Variants in PRKN observed in about 807,000 individuals in gnomAD.
PRKN encodes parkin RBR E3 ubiquitin protein ligase, also known as E3 ubiquitin-protein ligase parkin.
In PRKN, 56 loss-of-function variants were observed where a neutral mutation model predicts 59.5. The ratio of observed to expected loss-of-function variants is 0.94; its 90% CI spans 0.76 to 1.18. The LOEUF is 1.18. Ranked by LOEUF, PRKN falls within the 50% of genes most tolerant of loss-of-function variation. PRKN has a pLI of 0.00. For synonymous variants in PRKN, 250 were observed against 222.1 expected, an observed-to-expected ratio of 1.13 and a Z score of -1.12; for missense variants, 657 against 596.4, an observed-to-expected ratio of 1.10 and a Z score of -1.06.
Position 161,687,338 on chromosome 6 carries a change from G to A in PRKN, c.871+98434C>T, listed in dbSNP as rs566932942. Among the ~76,000 whole-genome samples, 52 of 118,240 alleles carry A rather than the reference G, an allele frequency of 4.4e-4. 1 individual carries two copies. Among genetic ancestry groups the A allele is most frequent in the African/African-American group, 1.7e-3 (52 of 30,046 alleles). 77.6% of individuals were successfully genotyped at this position (118,240 alleles called of 152,430 possible). On this transcript the variant is annotated intron_variant, in intron 7 of 11. Coordinates refer to ENST00000366898, the MANE Select transcript of PRKN (RefSeq NM_004562.3). ...AGGGAGGTGGAGGTTGCAGTGAGCCGAGATCGCACCACTGCATTCCAGCCT... is the reference window on the plus strand; with the variant it reads ...AGGGAGGTGGAGGTTGCAGTGAGCCAAGATCGCACCACTGCATTCCAGCCT...
At chr6:162,581,919 C>T (rs776562825) in intron 1 of PRKN, among the ~76,000 whole-genome samples, 1 of 152,156 alleles carries the variant, frequency 6.6e-6, no homozygotes, top group Non-Finnish European at 1.5e-5. Context: ...CAAAGGTAGA[C>T]CCCAAAAACC....
rs756776772 is a variant in PRKN at position 161,550,862 on chromosome 6, A to C, written c.934-1859T>G. On this transcript the variant is annotated intron_variant, in intron 8 of 11. Coordinates refer to ENST00000366898, the MANE Select transcript of PRKN (RefSeq NM_004562.3). This position sits in a 1 kb window ranked among gnomAD's most constrained non-coding sequence, Gnocchi z 4.0. ...AAAATGTCCAGTATCTAATTGAATA[A>C]ATAAGTGTAGTTTAGGAGAAAGGCA... 2.0e-5 allele frequency among the ~76,000 whole-genome samples: 3 copies of C among 152,058 alleles called. No homozygotes were observed. The highest frequency in any genetic ancestry group is 4.4e-5 in the Non-Finnish European group (3 of 68,020).
At chr6:162,652,479 C>T (rs1778481783) in intron 1 of PRKN, among the ~76,000 whole-genome samples, 1 of 151,856 alleles carries the variant, frequency 6.6e-6, no homozygotes, top group Admixed American at 6.6e-5. Flanking sequence ...TCAATTAGTT[C>T]CTTATATTTT....
chr6:162,724,610 A>C (rs1203618541), intron 1 of PRKN, among the ~76,000 whole-genome samples: 2 of 152,204 alleles, frequency 1.3e-5, no homozygotes, highest in Non-Finnish European at 2.9e-5. Context: ...AAGAAAGAGA[A>C]ATAAGTTTTC....
intron 1 of PRKN, among the ~76,000 whole-genome samples, chr6:162,476,362 G>A (rs913353839): frequency 2.0e-4 from 30 of 152,004 alleles, no homozygotes; most frequent in Non-Finnish European, 3.7e-4. Flanking sequence ...GTGAGCCACC[G>A]CGCCCAGCCC....
chr6:162,321,304 C>T (rs972121358), intron 2 of PRKN, among the ~76,000 whole-genome samples: 6 of 151,802 alleles, frequency 4.0e-5, no homozygotes, highest in Non-Finnish European at 4.4e-5. Context: ...AGGCTAAACA[C>T]AAGGACCTAC....
chr6:162,471,072 TTTTA>T (rs570509323), intron 1 of PRKN, among the ~76,000 whole-genome samples: 10 of 87,966 alleles, frequency 1.1e-4, no homozygotes, highest in East Asian at 6.1e-4. Flanking sequence ...ACACTCTATT[TTTTA>T]TTTATTTATT....
At chr6:161,991,773 G>GTGGA (rs1213956224) in intron 5 of PRKN, among the ~76,000 whole-genome samples, 6 of 152,036 alleles carry the variant, frequency 3.9e-5, no homozygotes, top group African/African-American at 1.4e-4. Flanking sequence ...AACCCAGGAG[G>GTGGA]TGGAGCTTGC....
intron 4 of PRKN, among the ~76,000 whole-genome samples, chr6:162,187,168 G>A (rs1784067354): frequency 6.6e-6 from 1 of 152,152 alleles, no homozygotes; most frequent in South Asian, 2.1e-4. Flanking sequence ...GAAGACCAAG[G>A]AGACTCCAAC....
At chr6:161,626,873 C>T (rs568637503) in intron 7 of PRKN, among the ~76,000 whole-genome samples, 15 of 152,140 alleles carry the variant, frequency 9.9e-5, no homozygotes, top group African/African-American at 3.6e-4. Flanking sequence ...TGGTCACCCT[C>T]CCCCCACCAC....
chr6:161,969,685 T>C (rs751153547), intron 6 of PRKN, among the ~76,000 whole-genome samples: 4 of 152,176 alleles, frequency 2.6e-5, no homozygotes, highest in Non-Finnish European at 5.9e-5. Flanking sequence ...TTTACTTTTA[T>C]TTTCCAGTAT....
chr6:162,192,128 T>C lies in PRKN; in HGVS notation c.534+9003A>G, dbSNP rs988067283. On this transcript the variant is annotated intron_variant, in intron 4 of 11. Coordinates refer to ENST00000366898, the MANE Select transcript of PRKN (RefSeq NM_004562.3). ...TTTTCTCAAACCCTTCTATGTAGTA[T>C]CAAGAAATATTTCTCTTATAAATAT... 3.3e-5 allele frequency among the ~76,000 whole-genome samples: 5 copies of C among 152,322 alleles called. No individual in the cohort carries two copies. The East Asian group carries it at 9.6e-4, about 29-fold the overall frequency.
chr6:162,197,100 A>G (rs1315486128), intron 4 of PRKN, among the ~76,000 whole-genome samples: 3 of 152,182 alleles, frequency 2.0e-5, no homozygotes, highest in African/African-American at 4.8e-5. Flanking sequence ...ACAAGATCCT[A>G]TATTGTATTT....
intron 6 of PRKN, among the ~76,000 whole-genome samples, chr6:161,835,166 C>G (rs964490575): frequency 6.6e-6 from 1 of 152,072 alleles, no homozygotes; most frequent in Non-Finnish European, 1.5e-5. Context: ...TAAATATGCT[C>G]TAAGGAAAAG....
At chr6:161,872,024 C>G (rs1794360917) in intron 6 of PRKN, among the ~76,000 whole-genome samples, 1 of 152,138 alleles carries the variant, frequency 6.6e-6, no homozygotes, top group Admixed American at 6.6e-5. Flanking sequence ...TTCAGTGACT[C>G]TTCACTGAGC....
In PRKN at chr6:162,624,163, G is replaced by A. The variant is rs933091367; in HGVS notation, c.7+103499C>T. Among the ~76,000 whole-genome samples, 4 of 150,850 alleles carry A rather than the reference G, an allele frequency of 2.7e-5. No homozygotes were observed. The South Asian group carries it at 8.4e-4, about 32-fold the overall frequency. ...CTCGGGAGGCTGAGGCAGGAGAATC[G>A]CTTGAACCCAGGAGGCGGAGGTTGC... On this transcript the variant is annotated intron_variant, in intron 1 of 11. Transcript: ENST00000366898.
Position 162,162,617 on chromosome 6 carries a change from C to T in PRKN, c.534+38514G>A, listed in dbSNP as rs144573954. Among the ~76,000 whole-genome samples, 5 of 152,236 alleles carry T rather than the reference C, an allele frequency of 3.3e-5. No homozygotes were observed. The East Asian group carries it at 9.7e-4, about 29-fold the overall frequency. On this transcript the variant is annotated intron_variant, in intron 4 of 11. Coordinates refer to ENST00000366898, the MANE Select transcript of PRKN (RefSeq NM_004562.3). ...GATAAACATAATTTACAATATAATA[C>T]CTTCATAAGACTTTTCTAACTCATA...
chr6:162,452,587 T>C (rs1790678785), intron 1 of PRKN, among the ~76,000 whole-genome samples: 2 of 151,894 alleles, frequency 1.3e-5, no homozygotes, highest in South Asian at 4.2e-4. Context: ...TCAAAATGAA[T>C]AAAAATATTG....
At position 161,774,381 on chromosome 6, in the gene PRKN, A is replaced by AGCGC. The variant is rs879673896; in HGVS notation, c.871+11390_871+11391insGCGC. Among the ~76,000 whole-genome samples, 153 of 89,160 alleles carry AGCGC rather than the reference A, an allele frequency of 1.7e-3. 1 individual carries two copies. The highest frequency in any genetic ancestry group is 4.1e-3 in the Admixed American group (29 of 7,044). 58.5% of individuals were successfully genotyped at this position (89,160 alleles called of 152,430 possible). A position where few individuals can be genotyped will look rare whatever the true frequency, so the allele number is the denominator to read the frequency against. ...CCTCCCCCATCCTTTCTACTCCCTG[A>AGCGC]GCACACACACACACACACACACACA... is the stretch of plus-strand genomic sequence containing the variant. On this transcript the variant is annotated intron_variant, in intron 7 of 11. Coordinates refer to ENST00000366898, the MANE Select transcript of PRKN (RefSeq NM_004562.3).
Sources: gnomAD v4.1 joint callset for allele counts (sites outside exome capture counted in the v4.1 genomes callset) on GRCh38, gnomAD v4.1.1 for gene constraint, Gnocchi (gnomAD v3.1) non-coding constraint, MANE v1.5 for transcripts, NCBI Gene and HGNC (gene_info 2026-07-23, HGNC 2026-07-21) for gene names.